The following TAPT1 variants were observed in gnomAD, a reference collection of about 807,000 sequenced individuals.
TAPT1 encodes the protein transmembrane anterior posterior transformation protein 1 homolog.
Under a neutral mutation model 65.6 loss-of-function variants are expected in TAPT1, and 28 were observed. That is an observed-to-expected ratio of 0.43 (90% CI 0.32 to 0.59). The LOEUF is 0.59. Ranked by LOEUF, TAPT1 falls within the 20% of genes least tolerant of loss-of-function variation. The pLI, the probability that TAPT1 is intolerant of heterozygous loss-of-function variation, is 0.09. For missense variants in TAPT1, 563 were observed against 679.9 expected (o/e 0.83, Z 1.91); for synonymous variants, 278 against 245.2 (o/e 1.13, Z -1.25).
intron 2 of TAPT1, among the ~76,000 whole-genome samples, chr4:16,203,371 A>G (rs774060847): frequency 7.2e-5 from 11 of 152,190 alleles, no homozygotes; most frequent in Non-Finnish European, 1.0e-4. Flanking sequence ...TAAAATTCAT[A>G]GTTACAGGCT....
chr4:16,162,806 G>C lies in TAPT1; in HGVS notation c.*502C>G, dbSNP rs940015554. ...TACATCTTTAAGGGTTATTCTGGTG[G>C]TAAGAACATTTATCTTGACTTATGT... On this transcript the variant is annotated 3_prime_UTR_variant, in exon 14 of 14. Coordinates refer to ENST00000405303, the MANE Select transcript of TAPT1 (RefSeq NM_153365.3). 3.4e-6 allele frequency: 1 copy of C among 295,084 alleles called. No homozygotes were observed. The highest frequency in any genetic ancestry group is 7.0e-6 in the Non-Finnish European group (1 of 142,462). 18.3% of individuals were successfully genotyped at this position (295,084 alleles called of 1,614,324 possible). A position where few individuals can be genotyped will look rare whatever the true frequency, so the allele number is the denominator to read the frequency against.
intron 1 of TAPT1, among the ~76,000 whole-genome samples, chr4:16,223,734 C>A (rs901384238): frequency 2.0e-5 from 3 of 152,098 alleles, no homozygotes; most frequent in Admixed American, 2.0e-4. Flanking sequence ...GACAAATATA[C>A]ATATCTAGTT....
chr4:16,220,744 T>C (rs1246737933), intron 1 of TAPT1, among the ~76,000 whole-genome samples: 1 of 145,492 alleles, frequency 6.9e-6, no homozygotes, highest in Non-Finnish European at 1.5e-5. Flanking sequence ...CGAGACTCTA[T>C]CTCAAAAAAA....
chr4:16,195,849 G>A (rs1560173087), intron 3 of TAPT1, among the ~76,000 whole-genome samples: 1 of 152,180 alleles, frequency 6.6e-6, no homozygotes, highest in Non-Finnish European at 1.5e-5. Flanking sequence ...TCTAGTAGTG[G>A]ACAGAAAGAT....
intron 13 of TAPT1, among the ~76,000 whole-genome samples, chr4:16,164,045 C>A (rs1049160176): frequency 1.3e-5 from 2 of 152,148 alleles, no homozygotes; most frequent in African/African-American, 4.8e-5. Context: ...CCCCAATGTT[C>A]ATTTTAGGCC....
intron 1 of TAPT1, 101 bp downstream of exon 1, chr4:16,226,158 A>T (rs3749543): frequency 9.8e-7 from 1 of 1,025,588 alleles, no homozygotes; most frequent in Non-Finnish European, 1.2e-6. Flanking sequence ...AGGCAACGGC[A>T]GCCGCGCGGC....
At chr4:16,190,397 G>A (rs1385865028) in intron 4 of TAPT1, 2 of 151,894 alleles carry the variant, frequency 1.3e-5, no homozygotes, top group African/African-American at 4.8e-5. Flanking sequence ...GGGGTGCAGT[G>A]GGACGATTTC....
At chr4:16,170,817 C>A in intron 11 of TAPT1, 88 bp from the exon 12 acceptor site, 1 of 994,246 alleles carries the variant, frequency 1.0e-6, no homozygotes, top group South Asian at 1.5e-5. Context: ...AAGATTTCTC[C>A]ATGCTGACTT....
At chr4:16,206,948 T>C (rs75177024) in intron 2 of TAPT1, among the ~76,000 whole-genome samples, 3,626 of 152,284 alleles carry the variant, frequency 0.024, 121 homozygotes, top group African/African-American at 0.074. Context: ...GGTAAGACAG[T>C]TGCAGAAAGA....
chr4:16,202,383 T>C (rs1242554747), intron 3 of TAPT1, 79 bp downstream of exon 3: 2 of 900,844 alleles, frequency 2.2e-6, no homozygotes, highest in East Asian at 2.8e-5. Context: ...GTATGAATTA[T>C]CCTTACTCTG....
In TAPT1 at chr4:16,172,538, C is replaced by T. The variant is rs184855510; in HGVS notation, c.1236+1666G>A. On this transcript the variant is annotated intron_variant, in intron 11 of 13. Coordinates refer to ENST00000405303, the MANE Select transcript of TAPT1 (RefSeq NM_153365.3). The stretch of plus-strand genomic sequence containing the variant: ...TCCAAAATTCTAGGAGTTCCTTTTC[C>T]GAAGCAAAAGAAAGCTATATTATGA... 6.6e-4 allele frequency among the ~76,000 whole-genome samples: 101 copies of T among 151,926 alleles called. 1 individual carries two copies. Among genetic ancestry groups the T allele is most frequent in the African/African-American group, 2.2e-3 (92 of 41,430 alleles).
intron 2 of TAPT1, among the ~76,000 whole-genome samples, chr4:16,203,143 C>T (rs540796232): frequency 6.6e-6 from 1 of 152,234 alleles, no homozygotes; most frequent in Non-Finnish European, 1.5e-5. Flanking sequence ...TATCATTAGA[C>T]ACTCTTACTT....
intron 8 of TAPT1, among the ~76,000 whole-genome samples, chr4:16,177,873 CAA>C (rs768539601): frequency 6.6e-6 from 1 of 151,456 alleles, no homozygotes; most frequent in Non-Finnish European, 1.5e-5. Flanking sequence ...AAACCTAAAA[CAA>C]GAGTGAAAAT....
chr4:16,191,166 C>T, intron 4 of TAPT1, 195 bp downstream of exon 4: 1 of 531,898 alleles, frequency 1.9e-6, no homozygotes, highest in Non-Finnish European at 3.1e-6. Flanking sequence ...AATGCAGATT[C>T]TCCAGACCCA....
At chr4:16,184,066 G>A (rs1748863936) in intron 7 of TAPT1, among the ~76,000 whole-genome samples, 1 of 152,150 alleles carries the variant, frequency 6.6e-6, no homozygotes, top group Non-Finnish European at 1.5e-5. Flanking sequence ...GAAATGCACA[G>A]ATCTTAAGTA....
At chr4:16,211,937 C>T (rs80138721) in intron 2 of TAPT1, among the ~76,000 whole-genome samples, 6,418 of 152,180 alleles carry the variant, frequency 0.042, 220 homozygotes, top group African/African-American at 0.086. Context: ...ATAATTACAA[C>T]CATGAAATGC....
chr4:16,205,987 C>T (rs1750321591), intron 2 of TAPT1, among the ~76,000 whole-genome samples: 1 of 152,092 alleles, frequency 6.6e-6, no homozygotes, highest in African/African-American at 2.4e-5. Flanking sequence ...TGAAGATGTT[C>T]TCAATAAACT....
chr4:16,172,253 A>G (rs1335206025), intron 11 of TAPT1, among the ~76,000 whole-genome samples: 1 of 152,214 alleles, frequency 6.6e-6, no homozygotes, highest in African/African-American at 2.4e-5. Context: ...ATTTCAAAAA[A>G]AGTTCATACT....
chr4:16,174,264 A>T lies in TAPT1; in HGVS notation c.1176T>A (p.Thr392=). 1 of 1,606,380 alleles carries T rather than the reference A, an allele frequency of 6.2e-7. No homozygotes were observed. The highest frequency in any genetic ancestry group is 8.5e-7 in the Non-Finnish European group (1 of 1,176,282). The change falls in exon 11 of 14, where the codon ACT becomes ACA. Residue 392 remains threonine, a synonymous_variant. Coordinates refer to ENST00000405303, the MANE Select transcript of TAPT1 (RefSeq NM_153365.3). ...LVSSRQKNAY[T]DYSDSVARRM... is the part of the protein sequence containing the mutation. ...TCCGTGCTACAGAGTCACTGTAATC[A>T]GTGTATGCCTGAACAGAGAAAGAAG... is the stretch of plus-strand genomic sequence containing the variant.
Sources: gnomAD v4.1 joint callset for allele counts (sites outside exome capture counted in the v4.1 genomes callset) on GRCh38, gnomAD v4.1.1 for gene constraint, MANE v1.5 for transcripts, NCBI Gene and HGNC (gene_info 2026-07-23, HGNC 2026-07-21) for gene names.